The following KIF9 variants were observed in gnomAD, a reference collection of about 807,000 sequenced individuals.
The protein encoded by KIF9 is kinesin-like protein KIF9.
A neutral mutation model predicts 94.8 loss-of-function variants in KIF9; 68 were observed. That is an observed-to-expected ratio of 0.72 (90% CI 0.59 to 0.88). The LOEUF is 0.88. Ranked by LOEUF, KIF9 falls within the 40% of genes least tolerant of loss-of-function variation. The pLI is 0.00. For synonymous variants in KIF9, 343 were observed against 362.1 expected (o/e 0.95, Z 0.60); for missense variants, 882 against 982.5 (o/e 0.90, Z 1.37).
intron 9 of KIF9, among the ~76,000 whole-genome samples, chr3:47,263,151 C>G (rs1701088238): frequency 6.6e-6 from 1 of 152,216 alleles, no homozygotes; most frequent in Non-Finnish European, 1.5e-5. Flanking sequence ...CCCGCTTCAG[C>G]CTCCCAAAGT....
chr3:47,247,612 C>A, intron 11 of KIF9, 135 bp from the exon 12 acceptor site: 1 of 686,220 alleles, frequency 1.5e-6, no homozygotes, highest in African/African-American at 1.7e-5. Context: ...TCCTTCCCTT[C>A]ATCATCGGGT....
intron 4 of KIF9, among the ~76,000 whole-genome samples, chr3:47,273,199 C>T (rs1270160476): frequency 1.3e-5 from 2 of 152,150 alleles, no homozygotes; most frequent in South Asian, 2.1e-4. Context: ...CTATATGCCC[C>T]TCATTAAAAC....
Position 47,228,467 on chromosome 3 carries a change from C to G in KIF9, c.*185G>C. ...ACAGTGAATTAAAACCCAAAGTGCT[C>G]TGTGGAGATGAGCAAGGTTGTCCTT... On this transcript the variant is annotated 3_prime_UTR_variant, in exon 21 of 21. Coordinates refer to ENST00000684063, the MANE Select transcript of KIF9 (RefSeq NM_182902.4). 1 of 661,932 alleles carries G rather than the reference C, an allele frequency of 1.5e-6. No individual in the cohort carries two copies. Among genetic ancestry groups the G allele is most frequent in the Non-Finnish European group, 2.7e-6 (1 of 364,544 alleles). 41.0% of individuals were successfully genotyped at this position (661,932 alleles called of 1,614,324 possible). A position where few individuals can be genotyped will look rare whatever the true frequency, so the allele number is the denominator to read the frequency against.
chr3:47,271,567 A>C, intron 4 of KIF9, 106 bp from the exon 5 acceptor site: 1 of 782,286 alleles, frequency 1.3e-6, no homozygotes, highest in South Asian at 1.6e-5. Flanking sequence ...GTATAGAATA[A>C]TTATTGTCCT....
intron 10 of KIF9, among the ~76,000 whole-genome samples, chr3:47,256,150 G>C (rs1009182078): frequency 9.8e-5 from 15 of 152,364 alleles, no homozygotes; most frequent in Admixed American, 9.8e-4. Context: ...CCTCCCAAAA[G>C]GCCGAGATTG....
rs3821879 is a variant in KIF9 at position 47,247,415 on chromosome 3, G to A, written c.1191C>T (p.Ser397=). Residue 397 remains serine (S), a synonymous_variant, in exon 12 of 21, where the codon TCC becomes TCT. Coordinates refer to ENST00000684063, the MANE Select transcript of KIF9 (RefSeq NM_182902.4). ...TCCCCTCCAGGTACCTCCGCACCTG[G>A]GAGTTGATCTCAGCAATCTGGATTT... ...MDEIQIAEIN[S]QVRRYLEGTL... 0.029 allele frequency: 46,279 copies of A among 1,613,784 alleles called. 2,179 individuals are homozygous for A. The highest frequency in any genetic ancestry group is 0.19 in the Admixed American group (11,310 of 59,996).
intron 9 of KIF9, 197 bp downstream of exon 9, chr3:47,264,089 C>T (rs959916781): frequency 2.9e-5 from 17 of 584,012 alleles, no homozygotes; most frequent in Admixed American, 9.3e-5. Context: ...CCTTTTCCTC[C>T]GCACAGCTTA....
intron 17 of KIF9, among the ~76,000 whole-genome samples, chr3:47,240,431 G>A (rs1435917666): frequency 1.3e-5 from 2 of 152,098 alleles, no homozygotes; most frequent in African/African-American, 2.4e-5. Context: ...CTGGGGCAGT[G>A]AGGAAACCAC....
At chr3:47,241,861 T>TATATAC (rs199589606) in intron 16 of KIF9, among the ~76,000 whole-genome samples, 23 of 120,126 alleles carry the variant, frequency 1.9e-4, no homozygotes, top group Non-Finnish European at 1.5e-4. Flanking sequence ...TATATATATA[T>TATATAC]ACACATATAT....
Position 47,236,598 on chromosome 3 carries a change from A to C in KIF9, c.1946T>G (p.Leu649Arg), listed in dbSNP as rs201546366. The C allele has an allele frequency of 1.2e-6, 2 of 1,613,946 alleles. No individual in the cohort carries two copies. The highest frequency in any genetic ancestry group is 8.5e-7 in the Non-Finnish European group (1 of 1,180,034). ...EKQGKYENKGLMIIDEEEFLL... is the reference protein window; with the variant it reads ...EKQGKYENKGRMIIDEEEFLL... ...GAATTCTTCCTCATCGATGATCATC[A>C]GCCCCTTGTTTTCGTACTTGCCTGC... Residue 649 changes from leucine (L) to arginine (R), a missense_variant, in exon 18 of 21, where the codon CTG becomes CGG. By Grantham distance (102) the Leu-to-Arg change is moderately radical. Coordinates refer to ENST00000684063, the MANE Select transcript of KIF9 (RefSeq NM_182902.4).
chr3:47,255,937 T>A (rs1700552981), intron 10 of KIF9, among the ~76,000 whole-genome samples: 1 of 152,210 alleles, frequency 6.6e-6, no homozygotes, highest in African/African-American at 2.4e-5. Flanking sequence ...TTTTCCTATT[T>A]TTTTGGTGGA....
Position 47,282,758 on chromosome 3 carries a change from C to G in KIF9, c.-269G>C. The G allele has an allele frequency of 1.4e-6, 2 of 1,427,028 alleles. No individual in the cohort carries two copies. The highest frequency in any genetic ancestry group is 1.8e-6 in the Non-Finnish European group (2 of 1,094,736). 88.4% of individuals were successfully genotyped at this position (1,427,028 alleles called of 1,614,324 possible). ...GCGGATGCACATGCGAAGTCAAGGT[C>G]GAGATAGCGAGGGAACGAAGGCCGC... On this transcript the variant is annotated 5_prime_UTR_variant, in exon 1 of 21. Coordinates refer to ENST00000684063, the MANE Select transcript of KIF9 (RefSeq NM_182902.4).
intron 13 of KIF9, 114 bp downstream of exon 13, chr3:47,246,083 T>C: frequency 5.9e-6 from 5 of 845,916 alleles, no homozygotes; most frequent in Non-Finnish European, 9.4e-6. Context: ...AGGACTCTGA[T>C]TTGGCTCTTC....
At position 47,273,330 on chromosome 3, in the gene KIF9, T is replaced by G. The variant is rs569218875; in HGVS notation, c.366+222A>C. Among the ~76,000 whole-genome samples the G allele has an allele frequency of 2.0e-5, 3 of 152,252 alleles. No individual in the cohort carries two copies. The South Asian group carries it at 6.2e-4, about 32-fold the overall frequency. On this transcript the variant is annotated intron_variant, in intron 4 of 20. Transcript: ENST00000684063. Reference sequence around the variant, plus strand: ...TTCCCAAATGAGGAAACAGGCTCAGTGTGGGTATGGCTCAGAGTCTGACAC... The same window carrying G: ...TTCCCAAATGAGGAAACAGGCTCAGGGTGGGTATGGCTCAGAGTCTGACAC...
At chr3:47,252,465 C>T (rs1473908321) in intron 10 of KIF9, among the ~76,000 whole-genome samples, 3 of 151,534 alleles carry the variant, frequency 2.0e-5, no homozygotes, top group East Asian at 1.9e-4. Context: ...GGCGTGGTGG[C>T]GCAGGCCTGT....
chr3:47,266,077 T>C (rs1576052119), intron 7 of KIF9, 200 bp from the exon 8 acceptor site: 1 of 542,294 alleles, frequency 1.8e-6, no homozygotes, highest in South Asian at 2.6e-5. Flanking sequence ...CTCAGAAATA[T>C]TCATGTGAAC....
intron 17 of KIF9, among the ~76,000 whole-genome samples, chr3:47,238,806 C>T (rs370424988): frequency 2.6e-5 from 4 of 152,274 alleles, no homozygotes; most frequent in East Asian, 3.9e-4. Flanking sequence ...GGACTACAGG[C>T]GTGCATCACC....
At chr3:47,270,906 A>G (rs1427465774) in intron 5 of KIF9, among the ~76,000 whole-genome samples, 2 of 151,170 alleles carry the variant, frequency 1.3e-5, no homozygotes, top group Non-Finnish European at 2.9e-5. Context: ...TGAGAGGCCG[A>G]AGTGGGAAGA....
chr3:47,264,085 C>T lies in KIF9; in HGVS notation c.981+201G>A. The T allele has an allele frequency of 1.4e-5, 8 of 583,226 alleles. No individual in the cohort carries two copies. The South Asian group carries it at 1.4e-4, about 10-fold the overall frequency. The allele number at this position is 583,226 out of a possible 1,614,324, so 36.1% of individuals were successfully genotyped here. ...AGCCTGCCTGCTGGCTGGCCCTTTT[C>T]CTCCGCACAGCTTAGTGCTTGGTGT... On this transcript the variant is annotated intron_variant, in intron 9 of 20. Coordinates refer to ENST00000684063, the MANE Select transcript of KIF9 (RefSeq NM_182902.4).
Sources: gnomAD v4.1 joint callset for allele counts (sites outside exome capture counted in the v4.1 genomes callset) on GRCh38, gnomAD v4.1.1 for gene constraint, MANE v1.5 for transcripts, NCBI Gene and HGNC (gene_info 2026-07-23, HGNC 2026-07-21) for gene names.